Variants in NXPE2 observed in about 807,000 individuals in gnomAD.
The protein encoded by NXPE2 is NXPE family member 2.
A neutral mutation model predicts 34.4 loss-of-function variants in NXPE2; 34 were observed. The observed-to-expected ratio is 0.99, with a 90% CI of 0.75 to 1.31. The LOEUF is 1.31. NXPE2 is among the 40% of genes most tolerant of loss of function. NXPE2 has a pLI of 0.00. For synonymous variants in NXPE2, 235 were observed against 231.3 expected, an observed-to-expected ratio of 1.02 and a Z score of -0.15; for missense variants, 649 against 672.5, an observed-to-expected ratio of 0.97 and a Z score of 0.39.
chr11:114,733,862 T>C, the NXPE2 span, among the ~76,000 whole-genome samples: 1 of 152,230 alleles, frequency 6.6e-6, no homozygotes, highest in Non-Finnish European at 1.5e-5. Context: ...TCACATGCTT[T>C]AGACAATAGT....
chr11:114,584,538 C>A, the NXPE2 span: 1 of 163,972 alleles, frequency 6.1e-6, no homozygotes, highest in Non-Finnish European at 1.3e-5. Context: ...GGAGGGAGAG[C>A]GTGGCTGCAA....
chr11:114,759,146 T>C, the NXPE2 span, among the ~76,000 whole-genome samples: 1 of 152,172 alleles, frequency 6.6e-6, no homozygotes, highest in East Asian at 1.9e-4. Flanking sequence ...TCCTTTTTAA[T>C]TGTCAGCTAG....
chr11:114,621,242 C>T, the NXPE2 span, among the ~76,000 whole-genome samples: 18 of 151,530 alleles, frequency 1.2e-4, no homozygotes, highest in South Asian at 4.2e-4. Context: ...CACAGTTACC[C>T]GGTGGATAAT....
At chr11:114,806,072 C>A in the NXPE2 span, among the ~76,000 whole-genome samples, 1 of 152,190 alleles carries the variant, frequency 6.6e-6, no homozygotes, top group East Asian at 1.9e-4. Context: ...GCTGCTGGTA[C>A]CCAGGCAAAC....
chr11:114,521,162 C>T, the NXPE2 span, among the ~76,000 whole-genome samples: 1 of 141,180 alleles, frequency 7.1e-6, no homozygotes, highest in South Asian at 2.2e-4. Flanking sequence ...TTGATTTTCT[C>T]TTTAACAGGA....
chr11:114,697,730 G>C (rs927394369), intron 2 of NXPE2, among the ~76,000 whole-genome samples: 4 of 152,128 alleles, frequency 2.6e-5, no homozygotes, highest in Admixed American at 2.6e-4. Context: ...TTTTTAAAAA[G>C]AAAAGTCAAG....
the NXPE2 span, chr11:114,530,597 AT>A: frequency 6.2e-7 from 1 of 1,614,010 alleles, no homozygotes; most frequent in African/African-American, 1.3e-5. Context: ...CCCTCAGGAA[AT>A]CCCCACCATA....
At chr11:114,686,014 T>A (rs1407792760) in intron 2 of NXPE2, among the ~76,000 whole-genome samples, 1 of 152,192 alleles carries the variant, frequency 6.6e-6, no homozygotes, top group Non-Finnish European at 1.5e-5. Context: ...AGTTTCAATA[T>A]GCTGGTTGCA....
chr11:114,639,518 G>A, the NXPE2 span, among the ~76,000 whole-genome samples: 5 of 151,226 alleles, frequency 3.3e-5, no homozygotes, highest in African/African-American at 9.7e-5. Context: ...AGATGAACCT[G>A]GTACCTCAGG....
chr11:114,750,086 T>A, the NXPE2 span, among the ~76,000 whole-genome samples: 3 of 152,098 alleles, frequency 2.0e-5, no homozygotes, highest in Non-Finnish European at 4.4e-5. Flanking sequence ...TTAACTCAGC[T>A]CAGTTCAATG....
chr11:114,472,402 C>A, the NXPE2 span, among the ~76,000 whole-genome samples: 1 of 151,666 alleles, frequency 6.6e-6, no homozygotes, highest in Non-Finnish European at 1.5e-5. Flanking sequence ...AAAAAAAAAT[C>A]ACAAAAAAAT....
the NXPE2 span, among the ~76,000 whole-genome samples, chr11:114,467,024 G>A: frequency 6.6e-6 from 1 of 152,140 alleles, no homozygotes; most frequent in African/African-American, 2.4e-5. Context: ...TCTCCTTTAT[G>A]ATACAGTAGT....
the NXPE2 span, among the ~76,000 whole-genome samples, chr11:114,533,120 T>C: frequency 1.3e-5 from 2 of 152,206 alleles, no homozygotes; most frequent in Non-Finnish European, 2.9e-5. Flanking sequence ...ATCCAAGGTA[T>C]GAGAATGATG....
At chr11:114,623,505 AT>A in the NXPE2 span, among the ~76,000 whole-genome samples, 1 of 152,002 alleles carries the variant, frequency 6.6e-6, no homozygotes, top group Non-Finnish European at 1.5e-5. Flanking sequence ...TACCCAGTGG[AT>A]AATAAGTATT....
chr11:114,504,233 C>T, the NXPE2 span, among the ~76,000 whole-genome samples: 2 of 152,148 alleles, frequency 1.3e-5, no homozygotes, highest in East Asian at 3.9e-4. Flanking sequence ...CTTTGGCCAG[C>T]ACAGAGCCAG....
chr11:114,477,127 A>G, the NXPE2 span, among the ~76,000 whole-genome samples: 1 of 152,164 alleles, frequency 6.6e-6, no homozygotes, highest in East Asian at 1.9e-4. Context: ...CTGTTTAGCA[A>G]TGAAAAGGAA....
chr11:114,558,768 G>A, the NXPE2 span, among the ~76,000 whole-genome samples: 1 of 152,146 alleles, frequency 6.6e-6, no homozygotes, highest in African/African-American at 2.4e-5. Context: ...AAAGCAGAAT[G>A]GCAATATTTC....
the NXPE2 span, among the ~76,000 whole-genome samples, chr11:114,645,159 G>C: frequency 6.6e-6 from 1 of 151,940 alleles, no homozygotes; most frequent in African/African-American, 2.4e-5. Context: ...AAAATTAGCT[G>C]GGCGTGATGG....
chr11:114,634,148 T>C, the NXPE2 span, among the ~76,000 whole-genome samples: 24,573 of 151,102 alleles, frequency 0.16, 2,577 homozygotes, highest in Non-Finnish European at 0.22. Flanking sequence ...TTTTAATGAT[T>C]GCCATTCTAA....
Sources: allele counts gnomAD v4.1 joint callset (sites outside exome capture counted in the v4.1 genomes callset), GRCh38; gene constraint gnomAD v4.1.1; transcripts MANE v1.5; gene names NCBI Gene and HGNC (gene_info 2026-07-23, HGNC 2026-07-21).